RAB25: variants seen among roughly 807,000 people sequenced by gnomAD.
RAB25 encodes RAB25, member RAS oncogene family.
A neutral mutation model predicts 25.2 loss-of-function variants in RAB25; 23 were observed. That is an observed-to-expected ratio of 0.91 (90% confidence interval 0.66 to 1.29). The LOEUF (loss-of-function observed/expected upper bound fraction) is 1.29, where lower values mean the gene tolerates loss of function less well. Ranked by LOEUF, RAB25 falls within the 50% of genes most tolerant of loss-of-function variation. The pLI, the probability that RAB25 is intolerant of heterozygous loss-of-function variation, is 0.00. For missense variants in RAB25, 244 were observed against 277.3 expected (o/e 0.88, Z 0.85); for synonymous variants, 102 against 111.5 (o/e 0.91, Z 0.54).
Position 156,065,993 on chromosome 1 carries a change from C to T in RAB25, c.126C>T (p.Arg42=), listed in dbSNP as rs768761435. Reference sequence around the variant, plus strand: ...GCAATGAGTTCAGCCACGACAGCCGCACCACCATCGGGGTTGAGTTCTCCA... The same window carrying T: ...GCAATGAGTTCAGCCACGACAGCCGTACCACCATCGGGGTTGAGTTCTCCA... ...FTRNEFSHDS[R]TTIGVEFSTR... Residue 42 remains arginine, a synonymous_variant, in exon 2 of 5, where the codon CGC becomes CGT. Coordinates refer to ENST00000361084, the MANE Select transcript of RAB25 (RefSeq NM_020387.4). 13 of 1,613,960 alleles carry T rather than the reference C, an allele frequency of 8.1e-6. No individual in the cohort carries two copies. The highest frequency in any genetic ancestry group is 8.5e-6 in the Non-Finnish European group (10 of 1,179,954).
intron 2 of RAB25, 86 bp downstream of exon 2, chr1:156,066,192 A>T: frequency 2.9e-6 from 3 of 1,031,330 alleles, no homozygotes; most frequent in East Asian, 3.4e-5. Context: ...GGGGAGGAGG[A>T]GGCAAGGGGG....
intron 2 of RAB25, 132 bp from the exon 3 acceptor site, chr1:156,068,138 C>T: frequency 1.2e-6 from 1 of 824,018 alleles, no homozygotes; most frequent in Non-Finnish European, 2.0e-6. Flanking sequence ...TTCTGGGCCC[C>T]TGGCCGCAAG....
Position 156,061,290 on chromosome 1 carries a change from G to A in RAB25, c.-111G>A. 2.7e-6 allele frequency: 3 copies of A among 1,129,490 alleles called. 1 individual carries two copies. Among genetic ancestry groups the A allele is most frequent in the Middle Eastern group, 4.0e-4 (2 of 4,976 alleles). 70.0% of individuals were successfully genotyped at this position (1,129,490 alleles called of 1,614,324 possible). ...AGAAGTCCCCTTACCCCCAATGAGA[G>A]GAGGGGCAGGACCAGATCTTTTGAG... is the stretch of plus-strand genomic sequence containing the variant. On this transcript the variant is annotated 5_prime_UTR_variant, in exon 1 of 5. Transcript: ENST00000361084.
At position 156,070,141 on chromosome 1, in the gene RAB25, C is replaced by G; in HGVS notation, c.515-19C>G. The G allele has an allele frequency of 6.2e-7, 1 of 1,614,110 alleles. No homozygotes were observed. Reference sequence around the variant, plus strand: ...GGCTCTAAATCTTCTGGCCTGATCACTGCCCTCTGCCCTCCCAGAAATCTT... The same window carrying G: ...GGCTCTAAATCTTCTGGCCTGATCAGTGCCCTCTGCCCTCCCAGAAATCTT... On this transcript the variant is annotated intron_variant, in intron 4 of 4. Transcript: ENST00000361084.
chr1:156,068,275 A>G lies in RAB25; in HGVS notation c.245A>G (p.Tyr82Cys). Residue 82 changes from tyrosine to cysteine, a missense_variant, in exon 3 of 5, where the codon TAT (tyrosine) becomes TGT (cysteine). Transcript: ENST00000361084. ...ERYRAITSAY[Y>C]RGAVGALLVF... The stretch of plus-strand genomic sequence containing the variant: ...TCCTTCTCATTCCCACCCAGGTACT[A>G]TCGTGGTGCAGTGGGGGCCCTCCTG... 6.2e-7 allele frequency: 1 copy of G among 1,611,388 alleles called. No homozygotes were observed. The highest frequency in any genetic ancestry group is 1.1e-5 in the South Asian group (1 of 91,022).
chr1:156,065,934 G>A lies in RAB25; in HGVS notation c.67G>A (p.Val23Met). 6.2e-7 allele frequency: 1 copy of A among 1,609,256 alleles called. No homozygotes were observed. The highest frequency in any genetic ancestry group is 1.1e-5 in the South Asian group (1 of 90,488). ...AGTGGTGCTGATCGGCGAATCAGGT[G>A]TGGGGAAGACCAATCTACTCTCCCG... ...FKVVLIGESG[V>M]GKTNLLSRFT... Residue 23 changes from valine to methionine, a missense_variant, in exon 2 of 5, where the codon GTG (valine) becomes ATG (methionine). Coordinates refer to ENST00000361084, the MANE Select transcript of RAB25 (RefSeq NM_020387.4).
At position 156,070,332 on chromosome 1, in the gene RAB25, T is replaced by C; in HGVS notation, c.*45T>C. 1.9e-6 allele frequency: 3 copies of C among 1,600,930 alleles called. No homozygotes were observed. In the African/African-American group the frequency reaches 4.0e-5, roughly 21 times the overall value. On this transcript the variant is annotated 3_prime_UTR_variant, in exon 5 of 5. Coordinates refer to ENST00000361084, the MANE Select transcript of RAB25 (RefSeq NM_020387.4). ...CCCCCACTGGCTTTTTGGTGCCCCT[T>C]GTCCCCACTTCAGCCCCAGGACCTT... is the stretch of plus-strand genomic sequence containing the variant.
At chr1:156,069,809 C>CA in intron 4 of RAB25, 58 bp downstream of exon 4, 1 of 1,431,310 alleles carries the variant, frequency 7.0e-7, no homozygotes, top group Non-Finnish European at 9.9e-7. Context: ...CTACAGGCAG[C>CA]AGTAGGAATG....
Position 156,070,387 on chromosome 1 carries a change from T to A in RAB25, c.*100T>A. On this transcript the variant is annotated 3_prime_UTR_variant, in exon 5 of 5. Transcript: ENST00000361084. Reference sequence around the variant, plus strand: ...TGCCCTTTGGTTCCAGATATCAGACTGTTCCCTGTTCACAGCACCCTCAGG... The same window carrying A: ...TGCCCTTTGGTTCCAGATATCAGACAGTTCCCTGTTCACAGCACCCTCAGG... 6.8e-7 allele frequency: 1 copy of A among 1,473,142 alleles called. No individual in the cohort carries two copies. The highest frequency in any genetic ancestry group is 9.2e-7 in the Non-Finnish European group (1 of 1,091,326). The allele number at this position is 1,473,142 out of a possible 1,614,324, so 91.3% of individuals were successfully genotyped here.
chr1:156,070,233 G>A lies in RAB25; in HGVS notation c.588G>A (p.Gln196=), dbSNP rs1647867397. Residue 196 remains glutamine (Q), a synonymous_variant, in exon 5 of 5, where the codon CAG becomes CAA. Coordinates refer to ENST00000361084, the MANE Select transcript of RAB25 (RefSeq NM_020387.4). ...RTNAITLGSA[Q]AGQEPGPGEK... ...ATGCCATCACTCTGGGCAGTGCCCA[G>A]GCTGGACAGGAGCCTGGCCCTGGGG... 6.2e-7 allele frequency: 1 copy of A among 1,614,138 alleles called. No individual in the cohort carries two copies. Among genetic ancestry groups the A allele is most frequent in the Middle Eastern group, 1.7e-4 (1 of 6,060 alleles).
chr1:156,061,299 G>A lies in RAB25; in HGVS notation c.-102G>A. 1 of 1,235,696 alleles carries A rather than the reference G, an allele frequency of 8.1e-7. No homozygotes were observed. Among genetic ancestry groups the A allele is most frequent in the South Asian group, 1.2e-5 (1 of 81,226 alleles). 76.5% of individuals were successfully genotyped at this position (1,235,696 alleles called of 1,614,324 possible). A position where few individuals can be genotyped will look rare whatever the true frequency, so the allele number is the denominator to read the frequency against. On this transcript the variant is annotated 5_prime_UTR_variant, in exon 1 of 5. Transcript: ENST00000361084. ...CTTACCCCCAATGAGAGGAGGGGCAGGACCAGATCTTTTGAGAGCTGAGGG... is the reference window on the plus strand; with the variant it reads ...CTTACCCCCAATGAGAGGAGGGGCAAGACCAGATCTTTTGAGAGCTGAGGG...
Position 156,066,062 on chromosome 1 carries a change from C to G in RAB25, c.195C>G (p.Ile65Met). The G allele has an allele frequency of 6.2e-7, 1 of 1,612,530 alleles. No homozygotes were observed. The highest frequency in any genetic ancestry group is 2.2e-5 in the East Asian group (1 of 44,838). ...MLGTAAVKAQIWDTAGLERYR... is the reference protein window; with the variant it reads ...MLGTAAVKAQMWDTAGLERYR... ...GCACCGCTGCTGTCAAGGCTCAGAT[C>G]TGGGACACAGCTGGCCTGGAGCGGT... is the stretch of plus-strand genomic sequence containing the variant. The change falls in exon 2 of 5, where the codon ATC (isoleucine) becomes ATG (methionine). Residue 65 changes from isoleucine (I) to methionine (M), a missense_variant. By Grantham distance (10) the Ile-to-Met change is conservative. Transcript: ENST00000361084.
chr1:156,068,995 T>TA (rs1222119663), intron 3 of RAB25, among the ~76,000 whole-genome samples: 1 of 151,914 alleles, frequency 6.6e-6, no homozygotes, highest in Non-Finnish European at 1.5e-5. Flanking sequence ...GGCCCGTAGT[T>TA]AATTTTAAGG....
rs796066801 is a variant in RAB25, at chr1:156,069,823, ACACT to A, written c.514+75_514+78del. 2.7e-5 allele frequency: 36 copies of A among 1,333,592 alleles called. No individual in the cohort carries two copies. The African/African-American group carries it at 3.6e-4, about 13-fold the overall frequency. 82.6% of individuals were successfully genotyped at this position (1,333,592 alleles called of 1,614,324 possible). The stretch of plus-strand genomic sequence containing the variant: ...TCTACAGGCAGCAGTAGGAATGCAG[ACACT>A]CAGCCCTCACCCCAGCTAATTTCTC... On this transcript the variant is annotated intron_variant, in intron 4 of 4. Transcript: ENST00000361084.
intron 1 of RAB25, among the ~76,000 whole-genome samples, chr1:156,064,981 C>A (rs1647697368): frequency 6.6e-6 from 1 of 152,216 alleles, no homozygotes; most frequent in Non-Finnish European, 1.5e-5. Context: ...CACTCTACCC[C>A]AGCCCCCAGC....
chr1:156,061,531 T>C, intron 1 of RAB25, 88 bp downstream of exon 1: 1 of 1,387,252 alleles, frequency 7.2e-7, no homozygotes, highest in Non-Finnish European at 1.0e-6. Context: ...CCTGTTTTTT[T>C]ATCTCTTACC....
chr1:156,064,355 C>T (rs371336077), intron 1 of RAB25, among the ~76,000 whole-genome samples: 224 of 152,094 alleles, frequency 1.5e-3, no homozygotes, highest in African/African-American at 5.2e-3. Context: ...ATCCTTCCAC[C>T]TCAGCCTCTT....
intron 3 of RAB25, among the ~76,000 whole-genome samples, chr1:156,069,183 TTTTC>T (rs1324625891): frequency 1.3e-5 from 2 of 152,056 alleles, no homozygotes; most frequent in African/African-American, 2.4e-5. Flanking sequence ...TCCTTATTCT[TTTTC>T]TTTTTCTTTT....
At position 156,061,418 on chromosome 1, in the gene RAB25, G is replaced by A. The variant is rs200663569; in HGVS notation, c.18G>A (p.Glu6=). The A allele has an allele frequency of 3.1e-6, 5 of 1,614,090 alleles. No homozygotes were observed. The African/African-American group carries it at 5.3e-5, about 17-fold the overall frequency. MGNGT[E]EDYNFVFKVV... Reference sequence around the variant, plus strand: ...GAGCCAAGATGGGGAATGGAACTGAGGAAGATTATAACTTTGTCTTCAAGG... The same window carrying A: ...GAGCCAAGATGGGGAATGGAACTGAAGAAGATTATAACTTTGTCTTCAAGG... The change falls in exon 1 of 5, where the codon GAG becomes GAA. Residue 6 remains glutamate, a synonymous_variant. Coordinates refer to ENST00000361084, the MANE Select transcript of RAB25 (RefSeq NM_020387.4).
Sources: gnomAD v4.1 joint callset for allele counts (sites outside exome capture counted in the v4.1 genomes callset) on GRCh38, gnomAD v4.1.1 for gene constraint, MANE v1.5 for transcripts, NCBI Gene and HGNC (gene_info 2026-07-23, HGNC 2026-07-21) for gene names.